ELAPOR2: variants seen among roughly 807,000 people sequenced by gnomAD.
ELAPOR2 encodes the protein endosome-lysosome associated apoptosis and autophagy regulator family member 2.
In ELAPOR2, 89 loss-of-function variants were observed where a neutral mutation model predicts 120.7. The observed-to-expected ratio is 0.74, with a 90% CI of 0.62 to 0.88. ELAPOR2 has a LOEUF of 0.88. Among genes scored for constraint, ELAPOR2 ranks in the 40% least tolerant of loss-of-function variants. The pLI is 0.00. For missense variants in ELAPOR2, 1,134 were observed against 1,251.6 expected (o/e 0.91, Z 1.42); for synonymous variants, 444 against 444.9 (o/e 1.00, Z 0.03).
chr7:87,011,994 T>G (rs1360189496), intron 1 of ELAPOR2, among the ~76,000 whole-genome samples: 2 of 152,188 alleles, frequency 1.3e-5, no homozygotes, highest in African/African-American at 2.4e-5. Flanking sequence ...TTGATACCAT[T>G]TGAACAGTAA....
At position 86,908,648 on chromosome 7, in the gene ELAPOR2, A is replaced by G. The variant is rs1584335460; in HGVS notation, c.2360-105T>C. ...TAGCTTTAATGACTGTCATTTTACA[A>G]TATTTACAGAAATGCTGTATTATAT... On this transcript the variant is annotated intron_variant, in intron 16 of 21. Coordinates refer to ENST00000450689, the MANE Select transcript of ELAPOR2 (RefSeq NM_001142749.3). 7.3e-6 allele frequency: 4 copies of G among 549,486 alleles called. No individual in the cohort carries two copies. In the South Asian group the frequency reaches 1.1e-4, roughly 15 times the overall value. 34.0% of individuals were successfully genotyped at this position (549,486 alleles called of 1,614,324 possible).
At chr7:86,886,709 GGTCTTGCCCCA>G (rs1799708085) in intron 21 of ELAPOR2, among the ~76,000 whole-genome samples, 1 of 152,118 alleles carries the variant, frequency 6.6e-6, no homozygotes, top group South Asian at 2.1e-4. Flanking sequence ...GAATGCAGTT[GGTCTTGCCCCA>G]GTGGCATGTA....
intron 13 of ELAPOR2, 47 bp from the exon 14 acceptor site, chr7:86,913,251 T>C (rs1434240105): frequency 6.3e-7 from 1 of 1,582,116 alleles, no homozygotes; most frequent in Non-Finnish European, 8.6e-7. Flanking sequence ...GGGGCTTAGT[T>C]GTACAACCAG....
At chr7:86,882,149 T>A (rs1177531056) in intron 21 of ELAPOR2, among the ~76,000 whole-genome samples, 1 of 152,234 alleles carries the variant, frequency 6.6e-6, no homozygotes, top group Non-Finnish European at 1.5e-5. Context: ...TGAGGTCTCA[T>A]GTTTAACAGC....
intron 8 of ELAPOR2, among the ~76,000 whole-genome samples, chr7:86,928,130 T>C (rs1183709627): frequency 1.5e-5 from 2 of 135,950 alleles, no homozygotes; most frequent in Admixed American, 6.8e-5. Flanking sequence ...TTTTTACAAC[T>C]CTCTTTTTCC....
chr7:87,013,549 A>G (rs1250416131), intron 1 of ELAPOR2, among the ~76,000 whole-genome samples: 1 of 152,140 alleles, frequency 6.6e-6, no homozygotes, highest in East Asian at 1.9e-4. Flanking sequence ...ATTGAGAAGT[A>G]CCAGCAGGGA....
At chr7:86,904,052 C>A (rs1226022088) in intron 18 of ELAPOR2, among the ~76,000 whole-genome samples, 1 of 152,144 alleles carries the variant, frequency 6.6e-6, no homozygotes, top group African/African-American at 2.4e-5. Context: ...AAAAACCACA[C>A]AGTTAGAAAA....
In ELAPOR2 at chr7:86,908,581, G is replaced by A. The variant is rs1360379513; in HGVS notation, c.2360-38C>T. ...TAAAAAGAAACTATTAAGCAATATG[G>A]AAAATTAGTTTTATTTGGTCTCCGT... On this transcript the variant is annotated intron_variant, in intron 16 of 21. Transcript: ENST00000450689. 4 of 942,374 alleles carry A rather than the reference G, an allele frequency of 4.2e-6. No homozygotes were observed. In the South Asian group the frequency reaches 6.3e-5, roughly 15 times the overall value. The allele number at this position is 942,374 out of a possible 1,614,324, so 58.4% of individuals were successfully genotyped here.
intron 15 of ELAPOR2, chr7:86,911,691 T>C (rs1487740899): frequency 4.3e-6 from 2 of 460,902 alleles, no homozygotes; most frequent in Non-Finnish European, 8.7e-6. Flanking sequence ...GAAAGTCTTT[T>C]TCTTCTTAAA....
In ELAPOR2 at chr7:86,926,768, C is replaced by T; in HGVS notation, c.1238G>A (p.Cys413Tyr). The T allele has an allele frequency of 6.2e-7, 1 of 1,611,024 alleles. No homozygotes were observed. The highest frequency in any genetic ancestry group is 8.5e-7 in the Non-Finnish European group (1 of 1,178,458). Residue 413 changes from cysteine to tyrosine, a missense_variant, in exon 9 of 22, where the codon TGT becomes TAT. By Grantham distance (194) the Cys-to-Tyr change is radical. Transcript: ENST00000450689. ...TCCATCTGAAAATGTTCCAGGAGGA[C>T]AGGGATGGCAAGAAGATGATCCATT... ...YNNGSSSCHPCPPGTFSDGTK... is the reference protein window; with the variant it reads ...YNNGSSSCHPYPPGTFSDGTK...
At chr7:86,940,338 G>A (rs1790751715) in intron 5 of ELAPOR2, among the ~76,000 whole-genome samples, 1 of 151,860 alleles carries the variant, frequency 6.6e-6, no homozygotes, top group Non-Finnish European at 1.5e-5. Context: ...AAACAGAAAA[G>A]AAGAAGAAAT....
chr7:86,998,017 T>G (rs953880035), intron 1 of ELAPOR2, among the ~76,000 whole-genome samples: 1 of 152,082 alleles, frequency 6.6e-6, no homozygotes, highest in Middle Eastern at 3.2e-3. Context: ...TATGTAAAGG[T>G]AGACAAATAA....
chr7:86,926,132 G>A (rs1019766289), intron 9 of ELAPOR2, among the ~76,000 whole-genome samples: 1 of 151,890 alleles, frequency 6.6e-6, no homozygotes, highest in Non-Finnish European at 1.5e-5. Context: ...TCAAAATATT[G>A]ACTATGTTGA....
intron 1 of ELAPOR2, among the ~76,000 whole-genome samples, chr7:86,977,852 C>T (rs1053689351): frequency 1.3e-5 from 2 of 152,042 alleles, no homozygotes; most frequent in African/African-American, 4.8e-5. Context: ...AATTAAGATA[C>T]CCTTTATCAT....
At chr7:87,001,365 A>G (rs534605145) in intron 1 of ELAPOR2, among the ~76,000 whole-genome samples, 1 of 152,308 alleles carries the variant, frequency 6.6e-6, no homozygotes, top group South Asian at 2.1e-4. Flanking sequence ...GAAAGCCGTG[A>G]GGTCAGTAGG....
intron 1 of ELAPOR2, among the ~76,000 whole-genome samples, chr7:86,985,330 T>C (rs1792684592): frequency 6.6e-6 from 1 of 152,240 alleles, no homozygotes; most frequent in African/African-American, 2.4e-5. Flanking sequence ...GAATCCTCCC[T>C]AACTCATTTT....
At chr7:86,917,375 C>T (rs1365277896) in intron 12 of ELAPOR2, among the ~76,000 whole-genome samples, 2 of 152,076 alleles carry the variant, frequency 1.3e-5, no homozygotes, top group Non-Finnish European at 2.9e-5. Context: ...CGAGATCGCA[C>T]CACTGCACTC....
chr7:86,994,588 C>T (rs1793061849), intron 1 of ELAPOR2, among the ~76,000 whole-genome samples: 1 of 152,134 alleles, frequency 6.6e-6, no homozygotes, highest in Admixed American at 6.5e-5. Context: ...CACCTTATAA[C>T]AAGAAAGCCA....
At chr7:87,018,320 C>G (rs970988777) in intron 1 of ELAPOR2, among the ~76,000 whole-genome samples, 2 of 151,938 alleles carry the variant, frequency 1.3e-5, no homozygotes, top group Non-Finnish European at 2.9e-5. Flanking sequence ...ATTACAGGCG[C>G]GAGCCACCAC....
Sources: gnomAD v4.1 joint callset for allele counts (sites outside exome capture counted in the v4.1 genomes callset) on GRCh38, gnomAD v4.1.1 for gene constraint, MANE v1.5 for transcripts, NCBI Gene and HGNC (gene_info 2026-07-23, HGNC 2026-07-21) for gene names.